The following MAST1 variants were observed in gnomAD, a reference collection of about 807,000 sequenced individuals.
MAST1 encodes microtubule-associated serine/threonine-protein kinase 1.
MAST1 carries 40 observed loss-of-function variants against 124.6 expected under a neutral mutation model. The observed-to-expected ratio is 0.32, with a 90% CI of 0.25 to 0.42. MAST1 has a LOEUF of 0.42. MAST1 is among the 10% of genes least tolerant of loss of function. The pLI is 1.00. For synonymous variants in MAST1, 938 were observed against 939.4 expected (o/e 1.00, Z 0.03); for missense variants, 1,558 against 2,181.9 (o/e 0.71, Z 5.70).
intron 12 of MAST1, among the ~76,000 whole-genome samples, chr19:12,860,129 G>T (rs1970062195): frequency 1.3e-5 from 2 of 150,894 alleles, no homozygotes; most frequent in African/African-American, 4.9e-5. Flanking sequence ...TCTTTTTTTT[G>T]GGGGGGACGG....
Position 12,847,184 on chromosome 19 carries a change from C to G in MAST1, c.328-106C>G, listed in dbSNP as rs1969903576. The stretch of plus-strand genomic sequence containing the variant: ...AAGGATCGTAAATCAGGTCCTGATC[C>G]TGGCCTTGCCCAGTGACCCCATCGG... On this transcript the variant is annotated intron_variant, in intron 4 of 25. Coordinates refer to ENST00000251472, the MANE Select transcript of MAST1 (RefSeq NM_014975.3). The surrounding 1 kb of genome is among the most constrained non-coding windows in gnomAD (Gnocchi z 5.5). 5.5e-6 allele frequency: 4 copies of G among 726,038 alleles called. No homozygotes were observed. Among genetic ancestry groups the G allele is most frequent in the Non-Finnish European group, 9.4e-6 (4 of 423,660 alleles). 45.0% of individuals were successfully genotyped at this position (726,038 alleles called of 1,614,324 possible).
intron 4 of MAST1, among the ~76,000 whole-genome samples, chr19:12,846,870 CAAAAAAAAA>C (rs386388580): frequency 4.2e-5 from 2 of 47,384 alleles, no homozygotes; most frequent in South Asian, 1.0e-3. Context: ...AACTCCATCT[CAAAAAAAAA>C]AAAAAAAAAA....
intron 12 of MAST1, among the ~76,000 whole-genome samples, chr19:12,860,087 C>CGTA (rs1272349861): frequency 6.6e-6 from 1 of 151,804 alleles, no homozygotes; most frequent in African/African-American, 2.4e-5. Flanking sequence ...TTTATCCATC[C>CGTA]GTATGTCTGT....
In MAST1 at chr19:12,867,820, G is replaced by C; in HGVS notation, c.2409G>C (p.Glu803Asp). ...GARRRFSALL[E>D]PSRFSAPQED... Reference sequence around the variant, plus strand: ...GCCGCCGTTTCTCGGCGCTGCTGGAGCCCAGCCGCTTCAGCGCCCCCCAAG... The same window carrying C: ...GCCGCCGTTTCTCGGCGCTGCTGGACCCCAGCCGCTTCAGCGCCCCCCAAG... Residue 803 changes from glutamate (E) to aspartate (D), a missense_variant, in exon 20 of 26, where the codon GAG becomes GAC. Coordinates refer to ENST00000251472, the MANE Select transcript of MAST1 (RefSeq NM_014975.3). 1 of 1,591,100 alleles carries C rather than the reference G, an allele frequency of 6.3e-7. No individual in the cohort carries two copies. The highest frequency in any genetic ancestry group is 8.5e-7 in the Non-Finnish European group (1 of 1,169,664).
rs995686360 is a variant in MAST1 at position 12,874,064 on chromosome 19, G to A, written c.3907G>A (p.Ala1303Thr). Reference sequence around the variant, plus strand: ...CCGCAAGGACTTCCATGGCGAGCTGGCGCTGCATAGCCTTGCCGAGTCCGA... The same window carrying A: ...CCGCAAGGACTTCCATGGCGAGCTGACGCTGCATAGCCTTGCCGAGTCCGA... Reference protein sequence around the residue: ...DFRKDFHGELALHSLAESDGE... With the variant: ...DFRKDFHGELTLHSLAESDGE... The change falls in exon 26 of 26, where the codon GCG (alanine) becomes ACG (threonine). Residue 1303 changes from alanine to threonine, a missense_variant. Physicochemically the swap from Ala to Thr is moderately conservative, Grantham distance 58. Coordinates refer to ENST00000251472, the MANE Select transcript of MAST1 (RefSeq NM_014975.3). The surrounding 1 kb of genome is among the most constrained non-coding windows in gnomAD (Gnocchi z 6.6). 1.9e-6 allele frequency: 3 copies of A among 1,594,784 alleles called. No individual in the cohort carries two copies. The highest frequency in any genetic ancestry group is 1.7e-4 in the Middle Eastern group (1 of 6,040).
At chr19:12,870,683 G>T (rs143261932) in intron 22 of MAST1, 141 bp from the exon 23 acceptor site, 12 of 877,082 alleles carry the variant, frequency 1.4e-5, no homozygotes, top group South Asian at 2.9e-5. Context: ...AAAAAAATGT[G>T]GGGGGAGGAA....
chr19:12,859,481 G>C (rs1970054196), intron 12 of MAST1, among the ~76,000 whole-genome samples: 1 of 152,008 alleles, frequency 6.6e-6, no homozygotes, highest in African/African-American at 2.4e-5. Flanking sequence ...CAAATGCCTG[G>C]GCTCAATCAA....
intron 3 of MAST1, among the ~76,000 whole-genome samples, chr19:12,842,839 T>TGGAA (rs1477395508): frequency 4.6e-5 from 7 of 151,990 alleles, no homozygotes; most frequent in Non-Finnish European, 7.4e-5. Context: ...GAGTACTGAG[T>TGGAA]GGAAGCACAT....
rs1970156888 is a variant in MAST1, at chr19:12,866,574, A to C, written c.2030-79A>C. ...CTGAAGACTTGTAAACCCGTCTTGA[A>C]CCAGGACTGGGCTCCTGTGGGGATG... On this transcript the variant is annotated intron_variant, in intron 17 of 25. Coordinates refer to ENST00000251472, the MANE Select transcript of MAST1 (RefSeq NM_014975.3). The surrounding 1 kb of genome is among the most constrained non-coding windows in gnomAD (Gnocchi z 5.2). The C allele has an allele frequency of 2.2e-6, 2 of 924,918 alleles. No individual in the cohort carries two copies. The highest frequency in any genetic ancestry group is 5.2e-5 in the East Asian group (2 of 38,180). 57.3% of individuals were successfully genotyped at this position (924,918 alleles called of 1,614,324 possible). A position where few individuals can be genotyped will look rare whatever the true frequency, so the allele number is the denominator to read the frequency against.
In MAST1 at chr19:12,868,793, G is replaced by T. The variant is rs1431982580; in HGVS notation, c.2717G>T (p.Gly906Val). The T allele has an allele frequency of 6.2e-7, 1 of 1,607,178 alleles. No individual in the cohort carries two copies. Among genetic ancestry groups the T allele is most frequent in the East Asian group, 2.2e-5 (1 of 44,760 alleles). The change falls in exon 21 of 26, where the codon GGG becomes GTG. Residue 906 changes from glycine (G) to valine (V), a missense_variant. Coordinates refer to ENST00000251472, the MANE Select transcript of MAST1 (RefSeq NM_014975.3). ...VAVEKRPSRT[G>V]GKVIKSASAT... ...GTAGAGAAGAGGCCTTCTCGAACTG[G>T]GGGCAAAGTCATCAAATCAGCCTCA... is the stretch of plus-strand genomic sequence containing the variant.
Position 12,870,887 on chromosome 19 carries a change from G to C in MAST1, c.3067G>C (p.Val1023Leu). The change falls in exon 23 of 26, where the codon GTG (valine) becomes CTG (leucine). Residue 1023 changes from valine to leucine, a missense_variant. Transcript: ENST00000251472. Reference protein sequence around the residue: ...GLCAGDLITHVNGEPVHGMVH... With the variant: ...GLCAGDLITHLNGEPVHGMVH... ...CTGTGCTGGGGACCTCATCACCCAC[G>C]TGAATGGGGAGCCTGTGCATGGCAT... 1 of 1,614,086 alleles carries C rather than the reference G, an allele frequency of 6.2e-7. No individual in the cohort carries two copies. The highest frequency in any genetic ancestry group is 8.5e-7 in the Non-Finnish European group (1 of 1,180,002).
Position 12,858,669 on chromosome 19 carries a change from G to A in MAST1, c.1296G>A (p.Pro432=), listed in dbSNP as rs866864680. ...ATATCCTCACCTTCGCCGAGAACCC[G>A]TTTGTGGTCGGCATGTTCTGCTCCT... ...ERDILTFAEN[P]FVVGMFCSFE... is the part of the protein sequence containing the mutation. Residue 432 remains proline, a synonymous_variant, in exon 12 of 26, where the codon CCG becomes CCA. Coordinates refer to ENST00000251472, the MANE Select transcript of MAST1 (RefSeq NM_014975.3). 2 of 1,614,232 alleles carry A rather than the reference G, an allele frequency of 1.2e-6. No individual in the cohort carries two copies. The highest frequency in any genetic ancestry group is 1.7e-6 in the Non-Finnish European group (2 of 1,180,046).
chr19:12,870,255 C>G (rs1381024884), intron 22 of MAST1, among the ~76,000 whole-genome samples: 2 of 149,370 alleles, frequency 1.3e-5, no homozygotes, highest in Non-Finnish European at 3.0e-5. Context: ...TTTGGGAGGC[C>G]GAGGTGGGTG....
chr19:12,851,242 C>T (rs1969955536), intron 7 of MAST1, among the ~76,000 whole-genome samples: 1 of 150,658 alleles, frequency 6.6e-6, no homozygotes, highest in African/African-American at 2.5e-5. Context: ...GCCACTGTGC[C>T]CGGCCTCTTT....
Position 12,868,836 on chromosome 19 carries a change from C to A in MAST1, c.2760C>A (p.Val920=). 6.3e-7 allele frequency: 1 copy of A among 1,582,776 alleles called. No homozygotes were observed. The highest frequency in any genetic ancestry group is 1.2e-5 in the South Asian group (1 of 86,120). ...CAGCCTCAGCCACTGCCTTATCTGT[C>A]ATGATTCCTGCAGGTAATGCTGGGC... is the stretch of plus-strand genomic sequence containing the variant. The part of the protein sequence containing the change: ...IKSASATALS[V]MIPAVDPHGS... The change falls in exon 21 of 26, where the codon GTC becomes GTA. Residue 920 remains valine (V), a synonymous_variant. Transcript: ENST00000251472.
At chr19:12,840,340 T>C in intron 1 of MAST1, 106 bp from the exon 2 acceptor site, 4 of 738,954 alleles carry the variant, frequency 5.4e-6, no homozygotes, top group East Asian at 2.7e-5. Context: ...CAAACACACA[T>C]GGATGGGAGA....
At chr19:12,864,750 T>C (rs1221879413) in intron 12 of MAST1, 59 bp from the exon 13 acceptor site, 8 of 1,603,378 alleles carry the variant, frequency 5.0e-6, no homozygotes, top group Non-Finnish European at 6.8e-6. Flanking sequence ...GGTGCTATGG[T>C]GCATGTCCAG....
At chr19:12,842,034 G>T (rs1315805867) in intron 3 of MAST1, among the ~76,000 whole-genome samples, 1 of 152,162 alleles carries the variant, frequency 6.6e-6, no homozygotes, top group Non-Finnish European at 1.5e-5. Context: ...TTGTAACTGT[G>T]CAAAGTGTGC....
intron 9 of MAST1, 21 bp from the exon 10 acceptor site, chr19:12,852,307 T>C (rs1969971946): frequency 6.2e-7 from 1 of 1,614,102 alleles, no homozygotes; most frequent in African/African-American, 1.3e-5. Context: ...CAGCTCGTGC[T>C]CACTCTCAGT....
Sources: gnomAD v4.1 joint callset for allele counts (sites outside exome capture counted in the v4.1 genomes callset) on GRCh38, gnomAD v4.1.1 for gene constraint, Gnocchi (gnomAD v3.1) non-coding constraint, MANE v1.5 for transcripts, NCBI Gene and HGNC (gene_info 2026-07-23, HGNC 2026-07-21) for gene names.